Variants in PRKCB observed in about 807,000 individuals in gnomAD.
PRKCB encodes protein kinase C beta type.
A neutral mutation model predicts 81.5 loss-of-function variants in PRKCB; 13 were observed. That is an observed-to-expected ratio of 0.16 (90% CI 0.10 to 0.25). The LOEUF is 0.25. PRKCB is among the 10% of genes least tolerant of loss of function. The pLI is 1.00. For synonymous variants in PRKCB, 335 were observed against 321.4 expected, an observed-to-expected ratio of 1.04 and a Z score of -0.45; for missense variants, 509 against 875.7, an observed-to-expected ratio of 0.58 and a Z score of 5.29.
At chr16:23,967,084 A>C (rs1964497097) in intron 2 of PRKCB, among the ~76,000 whole-genome samples, 1 of 149,948 alleles carries the variant, frequency 6.7e-6, no homozygotes, top group Non-Finnish European at 1.5e-5. Context: ...GCCTTAAGAC[A>C]CTCCTCTAAT....
chr16:23,925,492 C>T (rs1428548496), intron 2 of PRKCB, among the ~76,000 whole-genome samples: 1 of 152,046 alleles, frequency 6.6e-6, no homozygotes, highest in African/African-American at 2.4e-5. Flanking sequence ...GCTTGCATCC[C>T]ATTTCTAGGG....
rs10678336 is a variant in PRKCB at position 23,916,220 on chromosome 16, A to ATTTTT, written c.206-72270_206-72266dup. 2.7e-4 allele frequency among the ~76,000 whole-genome samples: 31 copies of ATTTTT among 112,872 alleles called. 1 individual carries two copies. Among genetic ancestry groups the ATTTTT allele is most frequent in the Admixed American group, 3.9e-4 (4 of 10,238 alleles). 74.0% of individuals were successfully genotyped at this position (112,872 alleles called of 152,430 possible). A position where few individuals can be genotyped will look rare whatever the true frequency, so the allele number is the denominator to read the frequency against. The stretch of plus-strand genomic sequence containing the variant: ...AGGTGCATGCCACCACATGTGGCTA[A>ATTTTT]TTTTTTTTTTTTTTTTTTTTTTGAG... On this transcript the variant is annotated intron_variant, in intron 2 of 16. Coordinates refer to ENST00000643927, the MANE Select transcript of PRKCB (RefSeq NM_002738.7).
chr16:23,842,659 A>T (rs1962287309), intron 2 of PRKCB, among the ~76,000 whole-genome samples: 1 of 152,220 alleles, frequency 6.6e-6, no homozygotes, highest in Non-Finnish European at 1.5e-5. Context: ...AGAATTGATG[A>T]TTATAATGAG....
intron 2 of PRKCB, among the ~76,000 whole-genome samples, chr16:23,843,019 T>A (rs1384371403): frequency 6.6e-6 from 1 of 152,224 alleles, no homozygotes; most frequent in East Asian, 1.9e-4. Flanking sequence ...ATGACATGAA[T>A]CCAACCATTC....
chr16:23,972,769 A>G (rs1268443535), intron 2 of PRKCB, among the ~76,000 whole-genome samples: 1 of 152,220 alleles, frequency 6.6e-6, no homozygotes. Context: ...CGTGAGCTTT[A>G]AATCACAACC....
At position 24,180,876 on chromosome 16, in the gene PRKCB, A is replaced by T; in HGVS notation, c.1481A>T (p.Asp494Val). Residue 494 changes from aspartate (D) to valine (V), a missense_variant, in exon 13 of 17, where the codon GAT (aspartate) becomes GTT (valine). By Grantham distance (152) the Asp-to-Val change is radical (BLOSUM62 -3). Transcript: ENST00000643927. The stretch of plus-strand genomic sequence containing the variant: ...GGCATGTGTAAGGAAAACATCTGGG[A>T]TGGGGTGACAACCAAGACATTCTGT... ...DFGMCKENIW[D>V]GVTTKTFCGT... is the part of the protein sequence containing the mutation. The T allele has an allele frequency of 6.2e-7, 1 of 1,614,214 alleles. No individual in the cohort carries two copies.
At chr16:24,120,356 A>G (rs927057917) in intron 8 of PRKCB, among the ~76,000 whole-genome samples, 1 of 152,232 alleles carries the variant, frequency 6.6e-6, no homozygotes, top group Admixed American at 6.5e-5. Context: ...GTTTCAAAAC[A>G]TGAATAAAGA....
rs1968243237 is a variant in PRKCB, at chr16:24,217,252, G to A, written c.*2436G>A. On this transcript the variant is annotated 3_prime_UTR_variant, in exon 17 of 17. Coordinates refer to ENST00000643927, the MANE Select transcript of PRKCB (RefSeq NM_002738.7). Reference sequence around the variant, plus strand: ...GCCATTATTTTTCAAAAGTTTAATAGTTTGCAGAAATAGATACTCAAGCCA... The same window carrying A: ...GCCATTATTTTTCAAAAGTTTAATAATTTGCAGAAATAGATACTCAAGCCA... 6 of 985,354 alleles carry A rather than the reference G, an allele frequency of 6.1e-6. No homozygotes were observed. The highest frequency in any genetic ancestry group is 7.2e-6 in the Non-Finnish European group (6 of 829,880). 61.0% of individuals were successfully genotyped at this position (985,354 alleles called of 1,614,324 possible). A position where few individuals can be genotyped will look rare whatever the true frequency, so the allele number is the denominator to read the frequency against.
intron 16 of PRKCB, among the ~76,000 whole-genome samples, chr16:24,206,854 A>G (rs1476695068): frequency 6.6e-6 from 1 of 152,234 alleles, no homozygotes; most frequent in Non-Finnish European, 1.5e-5. Context: ...AGGATCTACA[A>G]CAGCCAAATA....
At chr16:23,925,074 G>T (rs1963878080) in intron 2 of PRKCB, among the ~76,000 whole-genome samples, 1 of 152,060 alleles carries the variant, frequency 6.6e-6, no homozygotes, top group African/African-American at 2.4e-5. Flanking sequence ...CACATCTGGG[G>T]TATAGTTATT....
intron 5 of PRKCB, among the ~76,000 whole-genome samples, chr16:24,088,777 AAT>A (rs1966339846): frequency 6.6e-6 from 1 of 152,130 alleles, no homozygotes; most frequent in Admixed American, 6.5e-5. Flanking sequence ...ACAGCTTCAA[AAT>A]ACAACACTCT....
intron 2 of PRKCB, among the ~76,000 whole-genome samples, chr16:23,864,173 A>T (rs1962732412): frequency 6.6e-6 from 1 of 152,182 alleles, no homozygotes; most frequent in Admixed American, 6.5e-5. Context: ...GTCCCTTCCG[A>T]AGTAGAGGCA....
At chr16:23,901,342 TA>T (rs914575752) in intron 2 of PRKCB, among the ~76,000 whole-genome samples, 1 of 151,810 alleles carries the variant, frequency 6.6e-6, no homozygotes, top group Non-Finnish European at 1.5e-5. Flanking sequence ...TTCTCTTGCT[TA>T]AAAAAAATCG....
intron 2 of PRKCB, among the ~76,000 whole-genome samples, chr16:23,841,540 G>T (rs1338698084): frequency 3.3e-5 from 5 of 151,892 alleles, no homozygotes; most frequent in African/African-American, 1.2e-4. Flanking sequence ...CAGGCTGGAG[G>T]GCAGTGACAT....
intron 9 of PRKCB, among the ~76,000 whole-genome samples, chr16:24,128,105 G>T: frequency 7.5e-6 from 1 of 133,330 alleles, no homozygotes; most frequent in Admixed American, 7.9e-5. Flanking sequence ...GGCCAGGTGC[G>T]GTGGTTTGCG....
At chr16:24,208,719 CCATACTT>C (rs2141991819) in intron 16 of PRKCB, among the ~76,000 whole-genome samples, 1 of 152,222 alleles carries the variant, frequency 6.6e-6, no homozygotes, top group African/African-American at 2.4e-5. Flanking sequence ...ACTGAGCTGC[CCATACTT>C]CAAGGACACA....
At chr16:24,121,177 A>G (rs1391413135) in intron 8 of PRKCB, among the ~76,000 whole-genome samples, 4 of 152,170 alleles carry the variant, frequency 2.6e-5, no homozygotes, top group Admixed American at 1.3e-4. Flanking sequence ...CCTCTGTTCC[A>G]TAAATGCTGT....
chr16:24,135,669 G>A (rs563528894), intron 9 of PRKCB, among the ~76,000 whole-genome samples: 1 of 152,188 alleles, frequency 6.6e-6, no homozygotes, highest in East Asian at 1.9e-4. Context: ...GGAAGAAATT[G>A]CCTGAGGAGA....
In PRKCB at chr16:23,972,678, G is replaced by A. The variant is rs188257324; in HGVS notation, c.206-15830G>A. Among the ~76,000 whole-genome samples the A allele has an allele frequency of 3.3e-5, 5 of 152,308 alleles. No homozygotes were observed. The East Asian group carries it at 9.6e-4, about 29-fold the overall frequency. The stretch of plus-strand genomic sequence containing the variant: ...AGGTTTTGTCTTGTATAACTAAAAT[G>A]TATTGGGAGGAAATGAAAATGTTTA... On this transcript the variant is annotated intron_variant, in intron 2 of 16. Transcript: ENST00000643927.
Sources: gnomAD v4.1 joint callset for allele counts (sites outside exome capture counted in the v4.1 genomes callset) on GRCh38, gnomAD v4.1.1 for gene constraint, MANE v1.5 for transcripts, NCBI Gene and HGNC (gene_info 2026-07-23, HGNC 2026-07-21) for gene names.